The following KCNIP4 variants were observed in gnomAD, a reference collection of about 807,000 sequenced individuals.
KCNIP4 encodes Kv channel-interacting protein 4.
Under a neutral mutation model 34.0 loss-of-function variants are expected in KCNIP4, and 12 were observed. That is an observed-to-expected ratio of 0.35 (90% confidence interval 0.23 to 0.57). KCNIP4 has a LOEUF of 0.57. Among genes scored for constraint, KCNIP4 ranks in the 20% least tolerant of loss-of-function variants. The pLI, the probability that KCNIP4 is intolerant of heterozygous loss-of-function variation, is 0.83. For missense variants in KCNIP4, 238 were observed against 311.7 expected (o/e 0.76, Z 1.78); for synonymous variants, 124 against 102.2 (o/e 1.21, Z -1.29).
At chr4:21,222,925 G>A (rs983581967) in intron 1 of KCNIP4, among the ~76,000 whole-genome samples, 2 of 152,200 alleles carry the variant, frequency 1.3e-5, no homozygotes, top group African/African-American at 4.8e-5. Flanking sequence ...AGGCATTGTG[G>A]TGCAGTGGTT....
chr4:20,801,890 T>C (rs919144394), intron 3 of KCNIP4, among the ~76,000 whole-genome samples: 1 of 151,856 alleles, frequency 6.6e-6, no homozygotes, highest in Non-Finnish European at 1.5e-5. Flanking sequence ...ATGGAGTGGC[T>C]GAATGGATAA....
At chr4:20,837,598 A>G (rs1294337719) in intron 3 of KCNIP4, among the ~76,000 whole-genome samples, 1 of 150,022 alleles carries the variant, frequency 6.7e-6, no homozygotes, top group Non-Finnish European at 1.5e-5. Context: ...ACTGAACTTG[A>G]AAAATTATTT....
chr4:21,571,199 C>T (rs1268271478), intron 1 of KCNIP4, among the ~76,000 whole-genome samples: 1 of 152,230 alleles, frequency 6.6e-6, no homozygotes, highest in East Asian at 1.9e-4. Context: ...TTGTCACAGT[C>T]CTCTGAGATG....
chr4:21,363,555 T>C (rs1040540440), intron 1 of KCNIP4, among the ~76,000 whole-genome samples: 4 of 152,194 alleles, frequency 2.6e-5, no homozygotes, highest in Non-Finnish European at 5.9e-5. Flanking sequence ...GCTTACAAAC[T>C]ACATAGCTCT....
intron 1 of KCNIP4, among the ~76,000 whole-genome samples, chr4:21,882,251 T>TA (rs1268750319): frequency 6.6e-6 from 1 of 152,070 alleles, no homozygotes; most frequent in East Asian, 1.9e-4. Context: ...AACTGACTCA[T>TA]AAAGTGACTA....
chr4:20,741,740 A>C (rs1488621190), intron 5 of KCNIP4, among the ~76,000 whole-genome samples: 2 of 152,232 alleles, frequency 1.3e-5, no homozygotes, highest in African/African-American at 4.8e-5. Context: ...TGAAGGAGAC[A>C]GAGACACAAA....
At chr4:21,230,364 C>T (rs1377961738) in intron 1 of KCNIP4, among the ~76,000 whole-genome samples, 1 of 152,062 alleles carries the variant, frequency 6.6e-6, no homozygotes, top group East Asian at 1.9e-4. Context: ...AATTTAAGTT[C>T]CAGGAAACAT....
intron 1 of KCNIP4, among the ~76,000 whole-genome samples, chr4:21,669,554 G>A (rs969758652): frequency 3.9e-5 from 6 of 152,168 alleles, no homozygotes; most frequent in African/African-American, 1.4e-4. Context: ...AAGTTTGGGG[G>A]AGTCAAAAGT....
In KCNIP4 at chr4:21,498,003, T is replaced by G. The variant is rs74950849; in HGVS notation, c.61+450568A>C. Among the ~76,000 whole-genome samples the G allele has an allele frequency of 2.5e-3, 382 of 152,248 alleles. 13 individuals carry two copies. In the South Asian group the frequency reaches 0.045, roughly 18 times the overall value. On this transcript the variant is annotated intron_variant, in intron 1 of 8. Coordinates refer to ENST00000382152, the MANE Select transcript of KCNIP4 (RefSeq NM_025221.6). ...TATAATGTTGGTACAGAGCAACATC[T>G]TGACAATTTGAATTGCCATACTCCT...
intron 1 of KCNIP4, among the ~76,000 whole-genome samples, chr4:21,371,242 T>C (rs1218974237): frequency 6.9e-6 from 1 of 145,772 alleles, no homozygotes; most frequent in Admixed American, 6.6e-5. Flanking sequence ...ACCAGGAAAG[T>C]GAAACTTCTG....
At chr4:21,908,278 C>T (rs923177258) in intron 1 of KCNIP4, among the ~76,000 whole-genome samples, 5 of 152,092 alleles carry the variant, frequency 3.3e-5, no homozygotes, top group African/African-American at 2.4e-5. Context: ...GCTGTCCTGG[C>T]CTTCTTTCAT....
Position 21,146,314 on chromosome 4 carries a change from G to C in KCNIP4, c.62-263605C>G, listed in dbSNP as rs13118446. ...TCAGGAGGCTGAGGCAGGAGAATGG[G>C]GTGAACCCGGGAGGCGGAGCTTGCA... On this transcript the variant is annotated intron_variant, in intron 1 of 8. Transcript: ENST00000382152. Among the ~76,000 whole-genome samples, 1,109 of 151,820 alleles carry C rather than the reference G, an allele frequency of 7.3e-3. 21 individuals carry two copies. Among genetic ancestry groups the C allele is most frequent in the African/African-American group, 0.025 (1,048 of 41,404 alleles).
At chr4:21,144,903 C>T (rs1752240232) in intron 1 of KCNIP4, among the ~76,000 whole-genome samples, 1 of 151,980 alleles carries the variant, frequency 6.6e-6, no homozygotes, top group Non-Finnish European at 1.5e-5. Context: ...CTAATAGCAG[C>T]TCAAATAGGC....
intron 1 of KCNIP4, among the ~76,000 whole-genome samples, chr4:21,507,773 A>G (rs528758426): frequency 1.3e-5 from 2 of 152,286 alleles, no homozygotes; most frequent in Non-Finnish European, 2.9e-5. Context: ...AACAGGATAA[A>G]ATTATCATCT....
intron 2 of KCNIP4, among the ~76,000 whole-genome samples, chr4:20,862,501 G>A (rs1722309563): frequency 6.6e-6 from 1 of 152,004 alleles, no homozygotes; most frequent in South Asian, 2.1e-4. Context: ...AAGCTGAGAG[G>A]GATTATGAGC....
At chr4:21,349,324 C>G (rs759529567) in intron 1 of KCNIP4, among the ~76,000 whole-genome samples, 3 of 152,066 alleles carry the variant, frequency 2.0e-5, no homozygotes, top group Non-Finnish European at 2.9e-5. Context: ...ATAGAGAAAG[C>G]AGAAGAGTAA....
intron 1 of KCNIP4, among the ~76,000 whole-genome samples, chr4:21,623,278 C>T (rs1745107102): frequency 1.3e-5 from 2 of 152,080 alleles, no homozygotes; most frequent in African/African-American, 2.4e-5. Flanking sequence ...TATGAATTTA[C>T]CAGCTAGTGA....
At chr4:20,776,129 T>C (rs777188808) in intron 3 of KCNIP4, among the ~76,000 whole-genome samples, 1 of 152,192 alleles carries the variant, frequency 6.6e-6, no homozygotes, top group Non-Finnish European at 1.5e-5. Context: ...TAGACATTTA[T>C]TTGCAAATAT....
intron 1 of KCNIP4, among the ~76,000 whole-genome samples, chr4:21,152,247 C>T (rs745320466): frequency 5.3e-5 from 8 of 152,006 alleles, no homozygotes; most frequent in Non-Finnish European, 8.8e-5. Context: ...AGCTAGACTC[C>T]GTTTCAAAAT....
Sources: allele counts gnomAD v4.1 joint callset (sites outside exome capture counted in the v4.1 genomes callset), GRCh38; gene constraint gnomAD v4.1.1; transcripts MANE v1.5; gene names NCBI Gene and HGNC (gene_info 2026-07-23, HGNC 2026-07-21).